The following EYS variants were observed in gnomAD, a reference collection of about 807,000 sequenced individuals.
The protein encoded by EYS is EGF-like photoreceptor maintenance factor, also known as protein eyes shut homolog.
EYS carries 250 observed loss-of-function variants against 282.1 expected under a neutral mutation model. That is an observed-to-expected ratio of 0.89 (90% CI 0.80 to 0.98). The LOEUF (loss-of-function observed/expected upper bound fraction) is 0.98. Ranked by LOEUF, EYS falls within the 50% of genes least tolerant of loss-of-function variation. EYS has a pLI of 0.00. For missense variants in EYS, 4,016 were observed against 3,709.0 expected, an observed-to-expected ratio of 1.08 and a Z score of -2.15; for synonymous variants, 1,355 against 1,282.9, an observed-to-expected ratio of 1.06 and a Z score of -1.20.
intron 31 of EYS, among the ~76,000 whole-genome samples, chr6:64,172,291 A>G (rs1307985482): frequency 6.6e-6 from 1 of 152,102 alleles, no homozygotes; most frequent in Non-Finnish European, 1.5e-5. Context: ...CAGTATACAT[A>G]ATTATACTCA....
chr6:64,391,598 C>G (rs1773148938), intron 28 of EYS, among the ~76,000 whole-genome samples: 1 of 152,002 alleles, frequency 6.6e-6, no homozygotes. Flanking sequence ...CACCACCAGG[C>G]CTGCCCTAAA....
intron 8 of EYS, among the ~76,000 whole-genome samples, chr6:65,375,250 C>T (rs1022467410): frequency 3.9e-5 from 6 of 152,160 alleles, no homozygotes; most frequent in African/African-American, 1.2e-4. Flanking sequence ...ACAGGGTCTG[C>T]AGTGGACCTC....
chr6:64,778,202 G>A (rs1773738128), intron 22 of EYS, among the ~76,000 whole-genome samples: 1 of 152,128 alleles, frequency 6.6e-6, no homozygotes, highest in African/African-American at 2.4e-5. Context: ...ACTGGTAATT[G>A]TCTGAATCTT....
At chr6:64,401,947 C>T (rs1187912278) in intron 28 of EYS, among the ~76,000 whole-genome samples, 1 of 152,064 alleles carries the variant, frequency 6.6e-6, no homozygotes, top group Admixed American at 6.6e-5. Context: ...CCTGTTTAGG[C>T]TTTTCTTATT....
intron 2 of EYS, among the ~76,000 whole-genome samples, chr6:65,591,204 T>G (rs2127367935): frequency 6.6e-6 from 1 of 152,126 alleles, no homozygotes; most frequent in South Asian, 2.1e-4. Flanking sequence ...TTTACAGTGG[T>G]TTGTTTGCTT....
intron 14 of EYS, among the ~76,000 whole-genome samples, chr6:64,946,936 CACAA>C (rs1209266455): frequency 9.9e-5 from 15 of 151,896 alleles, no homozygotes; most frequent in African/African-American, 3.6e-4. Flanking sequence ...AAAGTTAAAA[CACAA>C]ACAGAGATCT....
chr6:64,633,843 A>T (rs1036451548), intron 22 of EYS, among the ~76,000 whole-genome samples: 1 of 152,148 alleles, frequency 6.6e-6, no homozygotes, highest in Non-Finnish European at 1.5e-5. Context: ...TTTCAACCCC[A>T]TGTGGGTCTT....
chr6:64,543,521 G>T (rs1764753309), intron 26 of EYS, among the ~76,000 whole-genome samples: 1 of 151,848 alleles, frequency 6.6e-6, no homozygotes, highest in Non-Finnish European at 1.5e-5. Context: ...TTATAAATTT[G>T]GATTCTATTT....
intron 12 of EYS, among the ~76,000 whole-genome samples, chr6:65,143,471 A>T (rs777937370): frequency 6.2e-4 from 94 of 152,162 alleles, no homozygotes; most frequent in Non-Finnish European, 1.1e-3. Flanking sequence ...TTCAAGTTGA[A>T]AAAATAAAAT....
At chr6:64,142,787 T>C (rs1043930258) in intron 31 of EYS, among the ~76,000 whole-genome samples, 2 of 152,032 alleles carry the variant, frequency 1.3e-5, no homozygotes, top group Non-Finnish European at 2.9e-5. Flanking sequence ...TTAATGGTGG[T>C]ATGGGAAGGC....
chr6:64,381,784 T>C (rs1428971153), intron 29 of EYS, among the ~76,000 whole-genome samples: 9 of 152,208 alleles, frequency 5.9e-5, no homozygotes, highest in East Asian at 1.9e-4. Context: ...AAAAACTATA[T>C]ATGTATTAAA....
chr6:64,075,680 A>G (rs1171071720), intron 32 of EYS, among the ~76,000 whole-genome samples: 1 of 151,984 alleles, frequency 6.6e-6, no homozygotes, highest in Non-Finnish European at 1.5e-5. Flanking sequence ...AAAATCTTGC[A>G]TCTTAAGACC....
At chr6:63,778,291 A>G in intron 39 of EYS, 111 bp from the exon 40 acceptor site, 1 of 1,131,874 alleles carries the variant, frequency 8.8e-7, no homozygotes. Context: ...AAAGTAATAC[A>G]TGTAAATTTT....
intron 36 of EYS, among the ~76,000 whole-genome samples, chr6:63,827,850 CAAAA>C (rs58843584): frequency 1.2e-5 from 1 of 85,044 alleles, no homozygotes; most frequent in Non-Finnish European, 2.3e-5. Context: ...GACTCCGTCT[CAAAA>C]AAAAAAAAAA....
chr6:65,095,329 A>G (rs1774708503), intron 12 of EYS, among the ~76,000 whole-genome samples: 1 of 151,122 alleles, frequency 6.6e-6, no homozygotes, highest in South Asian at 2.1e-4. Flanking sequence ...ATTTCAAGAC[A>G]TCTATTATAC....
intron 22 of EYS, among the ~76,000 whole-genome samples, chr6:64,658,296 C>T (rs1468120845): frequency 7.4e-5 from 9 of 122,240 alleles, no homozygotes; most frequent in South Asian, 3.1e-4. Context: ...GCCATGGGTT[C>T]GAACTTCCTC....
intron 33 of EYS, among the ~76,000 whole-genome samples, chr6:64,014,920 G>C (rs1192350939): frequency 1.3e-5 from 2 of 151,946 alleles, no homozygotes; most frequent in Non-Finnish European, 2.9e-5. Context: ...CCTTACCCTA[G>C]GCAAACTTTC....
rs547117121 is a variant in EYS, at chr6:65,243,950, T to C, written c.2023+51913A>G. Among the ~76,000 whole-genome samples, 4 of 152,326 alleles carry C rather than the reference T, an allele frequency of 2.6e-5. No individual in the cohort carries two copies. In the East Asian group the frequency reaches 7.7e-4, roughly 29 times the overall value. ...TTTGTATTTTTTTCCATTTTGCTAG[T>C]TGTATTCCAAATAAAATAGTTTTTG... On this transcript the variant is annotated intron_variant, in intron 12 of 42. Coordinates refer to ENST00000503581, the MANE Select transcript of EYS (RefSeq NM_001142800.2).
chr6:64,856,577 C>T (rs1314761053), intron 19 of EYS, among the ~76,000 whole-genome samples: 1 of 152,100 alleles, frequency 6.6e-6, no homozygotes, highest in Non-Finnish European at 1.5e-5. Context: ...GGGATTACAG[C>T]TGTGAGCCAT....
Sources: gnomAD v4.1 joint callset for allele counts (sites outside exome capture counted in the v4.1 genomes callset) on GRCh38, gnomAD v4.1.1 for gene constraint, MANE v1.5 for transcripts, NCBI Gene and HGNC (gene_info 2026-07-23, HGNC 2026-07-21) for gene names.